Variants in THSD7A observed in about 807,000 individuals in gnomAD.
THSD7A encodes thrombospondin type 1 domain containing 7A.
A neutral mutation model predicts 231.3 loss-of-function variants in THSD7A; 96 were observed. The ratio of observed to expected loss-of-function variants is 0.41; its 90% CI spans 0.35 to 0.49. The LOEUF is 0.49. THSD7A is among the 20% of genes least tolerant of loss of function. The pLI is 0.05. For synonymous variants in THSD7A, 940 were observed against 743.3 expected, an observed-to-expected ratio of 1.26 and a Z score of -4.30; for missense variants, 2,290 against 2,070.2, an observed-to-expected ratio of 1.11 and a Z score of -2.06.
At chr7:11,573,952 G>C (rs1359415374) in intron 4 of THSD7A, among the ~76,000 whole-genome samples, 1 of 152,126 alleles carries the variant, frequency 6.6e-6, no homozygotes, top group African/African-American at 2.4e-5. Flanking sequence ...AGATCATGGA[G>C]CTCCTACTAT....
At chr7:11,512,970 T>C (rs1161061032) in intron 6 of THSD7A, among the ~76,000 whole-genome samples, 1 of 146,892 alleles carries the variant, frequency 6.8e-6, no homozygotes, top group Admixed American at 6.7e-5. Flanking sequence ...TGTAAAATAC[T>C]ACTCAGCCAT....
chr7:11,785,468 T>C (rs185169557), intron 1 of THSD7A, among the ~76,000 whole-genome samples: 1 of 152,280 alleles, frequency 6.6e-6, no homozygotes, highest in Non-Finnish European at 1.5e-5. Context: ...AACTACCTTG[T>C]ATTCAGCATT....
At chr7:11,782,959 G>C (rs1048614861) in intron 1 of THSD7A, among the ~76,000 whole-genome samples, 10 of 152,230 alleles carry the variant, frequency 6.6e-5, no homozygotes, top group Admixed American at 3.3e-4. Flanking sequence ...TTGTTTTGGT[G>C]AGTAATCCTG....
Position 11,606,180 on chromosome 7 carries a change from T to A in THSD7A, c.1023-12678A>T, listed in dbSNP as rs568816285. On this transcript the variant is annotated intron_variant, in intron 2 of 27. Coordinates refer to ENST00000423059, the MANE Select transcript of THSD7A (RefSeq NM_015204.3). ...GAAATTGCTGTGGCATCCATGTGCA[T>A]GATCAGTGGACTCAACTCGATGAAC... Among the ~76,000 whole-genome samples the A allele has an allele frequency of 2.0e-4, 30 of 152,276 alleles. No individual in the cohort carries two copies. In the South Asian group the frequency reaches 2.3e-3, roughly 12 times the overall value.
intron 2 of THSD7A, among the ~76,000 whole-genome samples, chr7:11,596,254 A>C (rs1780353515): frequency 6.6e-6 from 1 of 152,152 alleles, no homozygotes; most frequent in Admixed American, 6.5e-5. Context: ...GGGAAAGGGA[A>C]ATGATCAGAC....
intron 1 of THSD7A, among the ~76,000 whole-genome samples, chr7:11,750,314 G>A (rs534504135): frequency 4.6e-5 from 7 of 151,954 alleles, no homozygotes; most frequent in African/African-American, 1.4e-4. Context: ...ATAGGGGTGC[G>A]TAGTACAAAT....
intron 1 of THSD7A, among the ~76,000 whole-genome samples, chr7:11,725,407 C>T (rs1235767969): frequency 6.6e-6 from 1 of 151,892 alleles, no homozygotes; most frequent in Non-Finnish European, 1.5e-5. Flanking sequence ...TTTCTGGAAT[C>T]TTTTTGTTGT....
intron 2 of THSD7A, among the ~76,000 whole-genome samples, chr7:11,618,764 C>T (rs1781204400): frequency 6.7e-6 from 1 of 149,596 alleles, no homozygotes; most frequent in Non-Finnish European, 1.5e-5. Context: ...GCACAGGAGC[C>T]TGGGAGACAG....
intron 6 of THSD7A, among the ~76,000 whole-genome samples, chr7:11,520,789 G>T (rs569393155): frequency 6.6e-6 from 1 of 152,280 alleles, no homozygotes; most frequent in South Asian, 2.1e-4. Flanking sequence ...CAAGCATATT[G>T]ATTGTGCTCA....
intron 9 of THSD7A, among the ~76,000 whole-genome samples, chr7:11,466,219 C>T (rs962939075): frequency 2.6e-5 from 4 of 152,096 alleles, no homozygotes; most frequent in Non-Finnish European, 1.5e-5. Flanking sequence ...TAAAAAGAAC[C>T]ACCCCAACTT....
chr7:11,815,408 T>G (rs1187255780), intron 1 of THSD7A, among the ~76,000 whole-genome samples: 6 of 152,034 alleles, frequency 3.9e-5, no homozygotes, highest in African/African-American at 1.4e-4. Context: ...CTCCCCTCAT[T>G]TGTATTCCCT....
At position 11,811,726 on chromosome 7, in the gene THSD7A, C is replaced by T. The variant is rs2128184338; in HGVS notation, c.190+20031G>A. 1.3e-5 allele frequency among the ~76,000 whole-genome samples: 2 copies of T among 152,234 alleles called. 1 individual carries two copies. Reference sequence around the variant, plus strand: ...ATTTTAGCTCATTTCACAGCTGTATCCCATACAGCAGTGCACACTAAATAT... The same window carrying T: ...ATTTTAGCTCATTTCACAGCTGTATTCCATACAGCAGTGCACACTAAATAT... On this transcript the variant is annotated intron_variant, in intron 1 of 27. Transcript: ENST00000423059.
chr7:11,546,166 C>T (rs1351267678), intron 4 of THSD7A, among the ~76,000 whole-genome samples: 1 of 114,520 alleles, frequency 8.7e-6, no homozygotes, highest in Non-Finnish European at 1.9e-5. Flanking sequence ...GGCCCACCAC[C>T]CTGTTGCTGC....
At chr7:11,796,922 G>A (rs6979018) in intron 1 of THSD7A, among the ~76,000 whole-genome samples, 129,147 of 152,092 alleles carry the variant, frequency 0.85, 55,249 homozygotes, top group African/African-American at 0.95. Context: ...TGGAATTTCC[G>A]CTAAAGTATT....
chr7:11,543,260 C>G (rs1789231821), intron 4 of THSD7A, 143 bp from the exon 5 acceptor site: 1 of 632,082 alleles, frequency 1.6e-6, no homozygotes, highest in Non-Finnish European at 2.6e-6. Context: ...TCAGCCACAT[C>G]CTGAGAATAA....
Position 11,407,288 on chromosome 7 carries a change from G to T in THSD7A, c.3916+18C>A, listed in dbSNP as rs1783618491. 2.5e-6 allele frequency: 4 copies of T among 1,593,030 alleles called. No individual in the cohort carries two copies. Among genetic ancestry groups the T allele is most frequent in the Non-Finnish European group, 3.4e-6 (4 of 1,163,982 alleles). ...TTCCTTGACCAGTAGCCTAATATAA[G>T]TTATGGTACAAACAAACCTGTGAGG... is the stretch of plus-strand genomic sequence containing the variant. On this transcript the variant is annotated intron_variant, in intron 20 of 27. Coordinates refer to ENST00000423059, the MANE Select transcript of THSD7A (RefSeq NM_015204.3).
In THSD7A at chr7:11,445,510, GTTTGT is replaced by G. The variant is rs553950909; in HGVS notation, c.3064+546_3064+550del. Among the ~76,000 whole-genome samples, 141 of 128,594 alleles carry G rather than the reference GTTTGT, an allele frequency of 1.1e-3. 1 individual carries two copies. The highest frequency in any genetic ancestry group is 4.4e-3 in the African/African-American group (134 of 30,610). 84.4% of individuals were successfully genotyped at this position (128,594 alleles called of 152,430 possible). On this transcript the variant is annotated intron_variant, in intron 13 of 27. Coordinates refer to ENST00000423059, the MANE Select transcript of THSD7A (RefSeq NM_015204.3). ...TGCACATTTTTCTTTTTGTTTGTTC[GTTTGT>G]TTTATGTGTGTGTGTGTGTGTGTGT...
chr7:11,782,882 A>G (rs916964580), intron 1 of THSD7A, among the ~76,000 whole-genome samples: 1 of 152,118 alleles, frequency 6.6e-6, no homozygotes, highest in Admixed American at 6.6e-5. Flanking sequence ...TTTTACTTGA[A>G]TCATTGTTGA....
At chr7:11,719,623 G>A (rs904018295) in intron 1 of THSD7A, among the ~76,000 whole-genome samples, 2 of 151,508 alleles carry the variant, frequency 1.3e-5, no homozygotes, top group Non-Finnish European at 1.5e-5. Context: ...CCCTCAATGA[G>A]TTATTTTTCT....
Sources: gnomAD v4.1 joint callset for allele counts (sites outside exome capture counted in the v4.1 genomes callset) on GRCh38, gnomAD v4.1.1 for gene constraint, MANE v1.5 for transcripts, NCBI Gene and HGNC (gene_info 2026-07-23, HGNC 2026-07-21) for gene names.